SPATA31G1: variants seen among roughly 807,000 people sequenced by gnomAD.
SPATA31G1 encodes spermatogenesis-associated protein 31G1.
the SPATA31G1 span, chr9:35,043,221 G>A: frequency 6.2e-7 from 1 of 1,614,160 alleles, no homozygotes; most frequent in Non-Finnish European, 8.5e-7. Flanking sequence ...GCTCTTCTGG[G>A]GTCTCCCCTC....
the SPATA31G1 span, chr9:35,044,364 G>A: frequency 1.2e-5 from 20 of 1,614,000 alleles, no homozygotes; most frequent in East Asian, 4.2e-4. Context: ...TAGATCCATG[G>A]GGGTCCTGTC....
chr9:35,045,818 A>G, the SPATA31G1 span: 72 of 1,613,850 alleles, frequency 4.5e-5, no homozygotes, highest in East Asian at 1.5e-3. Flanking sequence ...AAAAGGTGTT[A>G]GCCAAATGCC....
the SPATA31G1 span, chr9:35,042,679 C>T: frequency 8.7e-7 from 1 of 1,152,108 alleles, no homozygotes; most frequent in Non-Finnish European, 1.2e-6. Context: ...TACTGATCTC[C>T]AAATGAGGAC....
chr9:35,042,279 C>A, the SPATA31G1 span: 1 of 1,614,090 alleles, frequency 6.2e-7, no homozygotes, highest in Non-Finnish European at 8.5e-7. Context: ...GGAGGACCTG[C>A]TTGGGGCTAA....
At chr9:35,044,193 A>G in the SPATA31G1 span, 20 of 1,613,906 alleles carry the variant, frequency 1.2e-5, no homozygotes, top group East Asian at 1.6e-4. Flanking sequence ...CACACCTCCA[A>G]CCACCCTTAT....
At chr9:35,042,185 G>A in the SPATA31G1 span, 2 of 1,555,044 alleles carry the variant, frequency 1.3e-6, no homozygotes, top group African/African-American at 1.4e-5. Flanking sequence ...AGGCCTCTGT[G>A]GGGGATGGGA....
At chr9:35,045,177 G>T in the SPATA31G1 span, 1 of 1,614,034 alleles carries the variant, frequency 6.2e-7, no homozygotes. Context: ...TCCTCAAGAA[G>T]TTCAGCGCAC....
the SPATA31G1 span, chr9:35,042,744 C>G: frequency 7.3e-7 from 1 of 1,372,938 alleles, no homozygotes; most frequent in Non-Finnish European, 1.0e-6. Flanking sequence ...TGGCCACACA[C>G]GTGGGATTAG....
the SPATA31G1 span, chr9:35,044,266 C>T: frequency 5.6e-6 from 9 of 1,614,196 alleles, no homozygotes; most frequent in Non-Finnish European, 6.8e-6. Context: ...TGGAAGGATA[C>T]TGAGCATTCC....
chr9:35,043,931 C>T, the SPATA31G1 span: 2 of 1,613,926 alleles, frequency 1.2e-6, no homozygotes, highest in African/African-American at 1.3e-5. Flanking sequence ...TGGACCTCAA[C>T]CCAGAGCTCT....
chr9:35,043,127 C>A, the SPATA31G1 span: 6 of 1,614,208 alleles, frequency 3.7e-6, no homozygotes, highest in South Asian at 1.1e-5. Context: ...CTTCCAGATC[C>A]TTCCCCATCT....
At chr9:35,043,399 C>A in the SPATA31G1 span, 1 of 1,614,172 alleles carries the variant, frequency 6.2e-7, no homozygotes, top group South Asian at 1.1e-5. Flanking sequence ...ACCCATGGGG[C>A]CCATACTATG....
the SPATA31G1 span, chr9:35,042,258 G>C: frequency 6.2e-7 from 1 of 1,613,934 alleles, no homozygotes; most frequent in Non-Finnish European, 8.5e-7. Flanking sequence ...AAGGGAAATG[G>C]AATGGCTGCT....
the SPATA31G1 span, chr9:35,044,583 G>A: frequency 1.9e-6 from 3 of 1,614,152 alleles, no homozygotes; most frequent in South Asian, 2.2e-5. Flanking sequence ...CTCAAACTCT[G>A]TTTCAAAGTC....
chr9:35,045,398 C>T, the SPATA31G1 span: 29 of 1,614,068 alleles, frequency 1.8e-5, no homozygotes, highest in African/African-American at 3.7e-4. Flanking sequence ...AACCCTCAAA[C>T]TCTAAGGTTC....
the SPATA31G1 span, chr9:35,043,858 A>G: frequency 6.2e-7 from 1 of 1,614,184 alleles, no homozygotes; most frequent in South Asian, 1.1e-5. Context: ...CCATCCAGAT[A>G]TAAGCCCCAG....
the SPATA31G1 span, chr9:35,042,033 G>A: frequency 1.6e-6 from 1 of 633,312 alleles, no homozygotes; most frequent in South Asian, 2.2e-5. Context: ...TAGAATCCAT[G>A]TACTTAACCA....
At chr9:35,044,222 T>C in the SPATA31G1 span, 289 of 1,614,010 alleles carry the variant, frequency 1.8e-4, no homozygotes, top group Non-Finnish European at 2.3e-4. Context: ...ACAGAATCAA[T>C]CCTGGGGAAT....
At chr9:35,044,598 G>A in the SPATA31G1 span, 23 of 1,614,044 alleles carry the variant, frequency 1.4e-5, no homozygotes, top group Admixed American at 1.5e-4. Context: ...AAAGTCCCAC[G>A]TAAGTGAGCC....
Sources: gnomAD v4.1 joint callset for allele counts on GRCh38, gnomAD v4.1.1 for gene constraint, MANE v1.5 for transcripts, NCBI Gene and HGNC (gene_info 2026-07-23, HGNC 2026-07-21) for gene names.